The following C14orf39 variants were observed in gnomAD, a reference collection of about 807,000 sequenced individuals.
C14orf39 encodes protein SIX6OS1.
C14orf39 carries 66 observed loss-of-function variants against 85.6 expected under a neutral mutation model. The observed-to-expected ratio is 0.77, with a 90% confidence interval of 0.63 to 0.95. C14orf39 has a LOEUF of 0.95. Among genes scored for constraint, C14orf39 ranks in the 40% least tolerant of loss-of-function variants. The pLI is 0.00. For synonymous variants in C14orf39, 242 were observed against 214.0 expected (o/e 1.13, Z -1.14); for missense variants, 735 against 663.9 (o/e 1.11, Z -1.18).
chr14:60,487,901 G>A (rs947237615), upstream of C14orf39, among the ~76,000 whole-genome samples: 6 of 152,056 alleles, frequency 3.9e-5, no homozygotes, highest in Non-Finnish European at 5.9e-5. Flanking sequence ...ATCTGTTGGC[G>A]ATTTGCACAT....
At chr14:60,472,814 T>C (rs1421855354) in intron 5 of C14orf39, among the ~76,000 whole-genome samples, 1 of 152,210 alleles carries the variant, frequency 6.6e-6, no homozygotes, top group African/African-American at 2.4e-5. Context: ...TTGTTGGACA[T>C]TTGGCTTGGT....
At chr14:60,461,292 G>T (rs1178819859) in intron 13 of C14orf39, 62 bp downstream of exon 13, 1 of 1,408,778 alleles carries the variant, frequency 7.1e-7, no homozygotes, top group South Asian at 1.2e-5. Context: ...TTTGACTAAT[G>T]TAAAAACCTG....
intron 2 of C14orf39, chr14:60,496,804 C>T (rs1368348377): frequency 6.5e-6 from 1 of 152,850 alleles, no homozygotes; most frequent in African/African-American, 2.4e-5. Flanking sequence ...CTGCAAACTC[C>T]GAGTCAGCTC....
intron 16 of C14orf39, among the ~76,000 whole-genome samples, chr14:60,450,410 C>A (rs1890978307): frequency 6.6e-6 from 1 of 152,260 alleles, no homozygotes; most frequent in East Asian, 1.9e-4. Flanking sequence ...TCGTGGGGGC[C>A]ACAGGGAGAG....
intron 16 of C14orf39, among the ~76,000 whole-genome samples, chr14:60,450,870 T>C (rs1182655873): frequency 6.6e-6 from 1 of 152,132 alleles, no homozygotes; most frequent in Non-Finnish European, 1.5e-5. Context: ...ATCTAGAGAA[T>C]CCTTCCAGAT....
intron 16 of C14orf39, among the ~76,000 whole-genome samples, chr14:60,451,378 A>G (rs945202996): frequency 2.6e-5 from 4 of 152,160 alleles, no homozygotes; most frequent in Non-Finnish European, 5.9e-5. Flanking sequence ...TACTATAAAG[A>G]CACATGCACA....
At position 60,485,085 on chromosome 14, in the gene C14orf39, T is replaced by C. The variant is rs762059412; in HGVS notation, c.-7A>G. Reference sequence around the variant, plus strand: ...CAAACAGGCTGTCATTCATCTTGGATACTATGTTAAATGAAAAAAAAAATT... The same window carrying C: ...CAAACAGGCTGTCATTCATCTTGGACACTATGTTAAATGAAAAAAAAAATT... On this transcript the variant is annotated splice_region_variant and 5_prime_UTR_variant, in exon 2 of 18. Coordinates refer to ENST00000321731, the MANE Select transcript of C14orf39 (RefSeq NM_174978.3). 1.3e-6 allele frequency: 2 copies of C among 1,597,254 alleles called. No homozygotes were observed. The highest frequency in any genetic ancestry group is 2.3e-5 in the South Asian group (2 of 86,776).
At chr14:60,438,565 C>A (rs2140008161) in intron 17 of C14orf39, among the ~76,000 whole-genome samples, 1 of 152,048 alleles carries the variant, frequency 6.6e-6, no homozygotes, top group African/African-American at 2.4e-5. Context: ...ATGGGGAATT[C>A]AAAGGTACAT....
At chr14:60,459,717 A>G (rs1278028800) in intron 13 of C14orf39, among the ~76,000 whole-genome samples, 1 of 151,616 alleles carries the variant, frequency 6.6e-6, no homozygotes, top group Non-Finnish European at 1.5e-5. Flanking sequence ...TTTTATTTTG[A>G]GTTACCTGAT....
chr14:60,467,385 T>C (rs1338987519), intron 9 of C14orf39, among the ~76,000 whole-genome samples: 1 of 151,852 alleles, frequency 6.6e-6, no homozygotes, highest in African/African-American at 2.4e-5. Context: ...TTCATGGTAC[T>C]TTAAACTTTA....
intron 5 of C14orf39, among the ~76,000 whole-genome samples, chr14:60,472,638 G>A (rs1234519235): frequency 6.6e-6 from 1 of 152,080 alleles, no homozygotes; most frequent in Non-Finnish European, 1.5e-5. Flanking sequence ...ACCTACGAGT[G>A]AGAATATGCA....
At chr14:60,474,256 C>T (rs1388871962) in intron 5 of C14orf39, among the ~76,000 whole-genome samples, 1 of 152,136 alleles carries the variant, frequency 6.6e-6, no homozygotes, top group African/African-American at 2.4e-5. Context: ...ATTTTGTATC[C>T]TGAGACTTTG....
chr14:60,448,075 A>G (rs1890860349), intron 16 of C14orf39, among the ~76,000 whole-genome samples: 1 of 152,222 alleles, frequency 6.6e-6, no homozygotes, highest in South Asian at 2.1e-4. Context: ...TGTAAGACCT[A>G]AAACCATAAA....
chr14:60,451,310 A>G (rs1380620655), intron 16 of C14orf39, among the ~76,000 whole-genome samples: 1 of 152,132 alleles, frequency 6.6e-6, no homozygotes, highest in Non-Finnish European at 1.5e-5. Flanking sequence ...AACTAGAAAT[A>G]CCATTTGACC....
intron 11 of C14orf39, among the ~76,000 whole-genome samples, chr14:60,465,643 T>G (rs1408613718): frequency 2.0e-5 from 3 of 152,122 alleles, no homozygotes; most frequent in Non-Finnish European, 4.4e-5. Flanking sequence ...ATAATTTCCC[T>G]CTTCAATCCA....
At chr14:60,509,059 C>A (rs1440147252) in intron 1 of C14orf39, 1 of 384,166 alleles carries the variant, frequency 2.6e-6, no homozygotes, top group Admixed American at 4.3e-5. Flanking sequence ...ATAGTCCTGG[C>A]GTGCTGATTC....
intron 9 of C14orf39, 21 bp downstream of exon 9, chr14:60,468,424 A>G: frequency 7.0e-7 from 1 of 1,434,146 alleles, no homozygotes; most frequent in Non-Finnish European, 9.5e-7. Context: ...CATAAAATTT[A>G]ATTTTAAAGG....
intron 2 of C14orf39, among the ~76,000 whole-genome samples, chr14:60,492,950 G>A (rs548909165): frequency 6.6e-5 from 10 of 152,090 alleles, no homozygotes; most frequent in Non-Finnish European, 1.2e-4. Flanking sequence ...ACGTGAACCT[G>A]TGATAGAAAA....
At chr14:60,509,867 A>G (rs1369024871) in intron 1 of C14orf39, 1 of 1,613,522 alleles carries the variant, frequency 6.2e-7, no homozygotes, top group Non-Finnish European at 8.5e-7. Context: ...TAACCCCAGC[A>G]AAAAACGTGA....
Sources: allele counts gnomAD v4.1 joint callset (sites outside exome capture counted in the v4.1 genomes callset), GRCh38; gene constraint gnomAD v4.1.1; transcripts MANE v1.5; gene names NCBI Gene and HGNC (gene_info 2026-07-23, HGNC 2026-07-21).